The following ZSWIM4 variants were observed in gnomAD, a reference collection of about 807,000 sequenced individuals.
ZSWIM4 encodes the protein zinc finger SWIM domain-containing protein 4.
ZSWIM4 carries 62 observed loss-of-function variants against 102.5 expected under a neutral mutation model. That is an observed-to-expected ratio of 0.60 (90% CI 0.49 to 0.75). The LOEUF (loss-of-function observed/expected upper bound fraction) is 0.75. ZSWIM4 is among the 30% of genes least tolerant of loss of function. The pLI is 0.00. For missense variants in ZSWIM4, 1,280 were observed against 1,529.6 expected (o/e 0.84, Z 2.72); for synonymous variants, 652 against 674.5 (o/e 0.97, Z 0.52).
At chr19:13,802,771 G>A (rs10409270) in intron 2 of ZSWIM4, among the ~76,000 whole-genome samples, 2 of 152,012 alleles carry the variant, frequency 1.3e-5, no homozygotes, top group Non-Finnish European at 2.9e-5. Flanking sequence ...TAGAGACCTG[G>A]TCTCACTCTG....
intron 2 of ZSWIM4, among the ~76,000 whole-genome samples, 162 bp downstream of exon 2, chr19:13,800,083 T>TTTTTTTTTTTTTTTC (rs1221240286): frequency 6.8e-6 from 1 of 146,544 alleles, no homozygotes; most frequent in Non-Finnish European, 1.5e-5. Context: ...TTTTTTTTTT[T>TTTTTTTTTTTTTTTC]TTGAGACGGA....
intron 6 of ZSWIM4, among the ~76,000 whole-genome samples, 155 bp downstream of exon 6, chr19:13,813,319 C>T (rs1975161034): frequency 6.6e-6 from 1 of 152,198 alleles, no homozygotes; most frequent in African/African-American, 2.4e-5. Flanking sequence ...CTAATCCCAA[C>T]TTGTCTAGCC....
chr19:13,813,739 G>A (rs1975176887), intron 6 of ZSWIM4, among the ~76,000 whole-genome samples: 1 of 151,728 alleles, frequency 6.6e-6, no homozygotes, highest in Non-Finnish European at 1.5e-5. Context: ...AGAGTAACAT[G>A]GTGAGACCTT....
chr19:13,826,305 G>A (rs944656291), intron 12 of ZSWIM4, among the ~76,000 whole-genome samples: 3 of 151,948 alleles, frequency 2.0e-5, no homozygotes, highest in African/African-American at 7.3e-5. Flanking sequence ...TCATGGGTGG[G>A]TGAGTTTGAA....
rs756132622 is a variant in ZSWIM4 at position 13,808,867 on chromosome 19, C to T, written c.744C>T (p.Ile248=). ...GAPDPTAGAG[I]EDANCWHLDE... is the part of the protein sequence containing the mutation. ...CAGACCCCACCGCCGGCGCAGGAAT[C>T]GAGGACGCCAACTGCTGGCACCTGG... The change falls in exon 4 of 14, where the codon ATC becomes ATT. Residue 248 remains isoleucine, a synonymous_variant. Transcript: ENST00000590508. 5 of 1,611,164 alleles carry T rather than the reference C, an allele frequency of 3.1e-6. No homozygotes were observed. Among genetic ancestry groups the T allele is most frequent in the Non-Finnish European group, 4.2e-6 (5 of 1,178,898 alleles).
intron 2 of ZSWIM4, among the ~76,000 whole-genome samples, chr19:13,801,897 C>T (rs1442634040): frequency 6.6e-6 from 1 of 151,378 alleles, no homozygotes; most frequent in African/African-American, 2.4e-5. Flanking sequence ...TCTTGAACTC[C>T]TGACCTCGTG....
chr19:13,799,795 C>T lies in ZSWIM4; in HGVS notation c.229C>T (p.Arg77Trp), dbSNP rs372791549. 23 of 1,613,880 alleles carry T rather than the reference C, an allele frequency of 1.4e-5. No homozygotes were observed. The highest frequency in any genetic ancestry group is 1.8e-5 in the Non-Finnish European group (21 of 1,180,002). Reference protein sequence around the residue: ...IVFWSFPRSEREICMYSSLGY... With the variant: ...IVFWSFPRSEWEICMYSSLGY... ...GTTTTGGTCGTTTCCACGCAGTGAACGGGAAATATGTATGTACTCGTCGCT... is the reference window on the plus strand; with the variant it reads ...GTTTTGGTCGTTTCCACGCAGTGAATGGGAAATATGTATGTACTCGTCGCT... The change falls in exon 2 of 14, where the codon CGG (arginine) becomes TGG (tryptophan). Residue 77 changes from arginine to tryptophan, a missense_variant. Transcript: ENST00000590508.
chr19:13,805,151 A>T lies in ZSWIM4; in HGVS notation c.712+3A>T, dbSNP rs1974884699. The T allele has an allele frequency of 6.3e-7, 1 of 1,595,394 alleles. No individual in the cohort carries two copies. The highest frequency in any genetic ancestry group is 1.7e-5 in the Admixed American group (1 of 59,958). ...CTCCGAGATCAACTTGGTGAATGGT[A>T]AGGGCACCCCGGGGGTCCGGTGGGG... On this transcript the variant is annotated splice_donor_region_variant and intron_variant, in intron 3 of 13. Transcript: ENST00000590508.
Position 13,809,025 on chromosome 19 carries a change from C to T in ZSWIM4, c.861+41C>T, listed in dbSNP as rs760539893. ...GCGGGGCGCGGGGTGCAGAAGGCCCCGGCGGACGCCCCAGCCCTTCCTCAC... is the reference window on the plus strand; with the variant it reads ...GCGGGGCGCGGGGTGCAGAAGGCCCTGGCGGACGCCCCAGCCCTTCCTCAC... On this transcript the variant is annotated intron_variant, in intron 4 of 13. Transcript: ENST00000590508. This position sits in a 1 kb window ranked among gnomAD's most constrained non-coding sequence, Gnocchi z 4.2. The T allele has an allele frequency of 9.3e-6, 15 of 1,606,354 alleles. No individual in the cohort carries two copies. The South Asian group carries it at 1.1e-4, about 12-fold the overall frequency.
intron 8 of ZSWIM4, 22 bp downstream of exon 8, chr19:13,817,375 G>C (rs1975321154): frequency 1.9e-6 from 3 of 1,603,452 alleles, no homozygotes; most frequent in Middle Eastern, 3.3e-4. Context: ...GGGTACTCTT[G>C]GAGGAGGTGG....
chr19:13,825,335 G>T lies in ZSWIM4; in HGVS notation c.2216-215G>T, dbSNP rs553002980. ...AGCCACTGCGCCCGGCCCCTAGGTG[G>T]CTTTCTGTAACAGGAAAGGGCCAGA... On this transcript the variant is annotated intron_variant, in intron 11 of 13. Transcript: ENST00000590508. This position sits in a 1 kb window ranked among gnomAD's most constrained non-coding sequence, Gnocchi z 4.6. Among the ~76,000 whole-genome samples, 11 of 152,124 alleles carry T rather than the reference G, an allele frequency of 7.2e-5. No individual in the cohort carries two copies. Among genetic ancestry groups the T allele is most frequent in the Non-Finnish European group, 1.5e-4 (10 of 68,038 alleles).
intron 12 of ZSWIM4, among the ~76,000 whole-genome samples, chr19:13,828,024 G>T (rs1975658778): frequency 1.3e-5 from 2 of 152,170 alleles, no homozygotes; most frequent in Admixed American, 1.3e-4. Flanking sequence ...AGCAACAACA[G>T]CAGTGATATT....
chr19:13,809,172 C>T lies in ZSWIM4; in HGVS notation c.964C>T (p.Gln322Ter). 1 of 1,613,084 alleles carries T rather than the reference C, an allele frequency of 6.2e-7. No individual in the cohort carries two copies. Among genetic ancestry groups the T allele is most frequent in the Non-Finnish European group, 8.5e-7 (1 of 1,179,568 alleles). Reference protein sequence around the residue: ...QDTRLALWRQQGAGMTDKCRQ... With the variant: ...QDTRLALWRQ ...CACGCGCCTGGCCCTGTGGCGGCAG[C>T]AGGGCGCGGGCATGACGGACAAGTG... Residue 322 changes from glutamine to a stop codon, truncating the protein, a stop_gained, in exon 5 of 14, where the codon CAG becomes TAG. Transcript: ENST00000590508. LOFTEE classifies it high-confidence loss of function. The surrounding 1 kb of genome is among the most constrained non-coding windows in gnomAD (Gnocchi z 4.2).
intron 5 of ZSWIM4, among the ~76,000 whole-genome samples, chr19:13,810,876 T>C (rs28753085): frequency 0.028 from 3,945 of 139,878 alleles, 197 homozygotes; most frequent in African/African-American, 0.1. Flanking sequence ...TCCCAAAGGG[T>C]TGGGATTACA....
chr19:13,805,551 C>T (rs1432042961), intron 3 of ZSWIM4, among the ~76,000 whole-genome samples: 1 of 147,862 alleles, frequency 6.8e-6, no homozygotes, highest in Non-Finnish European at 1.5e-5. Context: ...CACCAGGAGG[C>T]GTGGTGAGGG....
chr19:13,805,946 G>A (rs1201845586), intron 3 of ZSWIM4, among the ~76,000 whole-genome samples: 1 of 150,494 alleles, frequency 6.6e-6, no homozygotes, highest in Non-Finnish European at 1.5e-5. Flanking sequence ...ACTCCAGCCT[G>A]GGAGACAAAG....
rs1974588785 is a variant in ZSWIM4 at position 13,795,655 on chromosome 19, C to A, written c.7C>A (p.Pro3Thr). The A allele has an allele frequency of 2.7e-6, 2 of 751,674 alleles. No homozygotes were observed. Among genetic ancestry groups the A allele is most frequent in the South Asian group, 6.4e-5 (1 of 15,608 alleles). 46.6% of individuals were successfully genotyped at this position (751,674 alleles called of 1,614,324 possible). Residue 3 changes from proline (P) to threonine (T), a missense_variant, in exon 1 of 14, where the codon CCC becomes ACC. Pro to Thr is a conservative substitution (Grantham distance 38). Coordinates refer to ENST00000590508, the MANE Select transcript of ZSWIM4 (RefSeq NM_001367834.3). ...CTGGCCCCGGCCGGGCCGGATGGAACCCCCCGCGGCCAAGCGGAGCCGGGG... is the reference window on the plus strand; with the variant it reads ...CTGGCCCCGGCCGGGCCGGATGGAAACCCCCGCGGCCAAGCGGAGCCGGGG... Reference protein sequence around the residue: MEPPAAKRSRGCP... With the variant: METPAAKRSRGCP...
chr19:13,827,959 G>A (rs1195166116), intron 12 of ZSWIM4, among the ~76,000 whole-genome samples: 2 of 152,164 alleles, frequency 1.3e-5, no homozygotes, highest in Non-Finnish European at 2.9e-5. Context: ...TTCCGGCATA[G>A]GATCTATGAG....
rs1975674302 is a variant in ZSWIM4 at position 13,828,631 on chromosome 19, C to T, written c.2380-14C>T. ...ACTCAGGCTAACCCCCTTCTCCCCACCCCTACCTTGCAGGTGATGCGGATG... is the reference window on the plus strand; with the variant it reads ...ACTCAGGCTAACCCCCTTCTCCCCATCCCTACCTTGCAGGTGATGCGGATG... On this transcript the variant is annotated splice_polypyrimidine_tract_variant and intron_variant, in intron 12 of 13. Transcript: ENST00000590508. 8 of 1,613,874 alleles carry T rather than the reference C, an allele frequency of 5.0e-6. No individual in the cohort carries two copies. The highest frequency in any genetic ancestry group is 1.3e-5 in the African/African-American group (1 of 75,030).
Sources: gnomAD v4.1 joint callset for allele counts (sites outside exome capture counted in the v4.1 genomes callset) on GRCh38, gnomAD v4.1.1 for gene constraint, Gnocchi (gnomAD v3.1) non-coding constraint, MANE v1.5 for transcripts, NCBI Gene and HGNC (gene_info 2026-07-23, HGNC 2026-07-21) for gene names.